SOD2: variants seen among roughly 807,000 people sequenced by gnomAD.
The protein encoded by SOD2 is superoxide dismutase 2, also known as superoxide dismutase [Mn], mitochondrial.
Under a neutral mutation model 27.0 loss-of-function variants are expected in SOD2, and 11 were observed. That is an observed-to-expected ratio of 0.41 (90% CI 0.26 to 0.67). The LOEUF (loss-of-function observed/expected upper bound fraction) is 0.67, where lower values mean the gene tolerates loss of function less well. Ranked by LOEUF, SOD2 falls within the 30% of genes least tolerant of loss-of-function variation. The pLI is 0.34. For synonymous variants in SOD2, 105 were observed against 103.0 expected (o/e 1.02, Z -0.12); for missense variants, 250 against 274.5 (o/e 0.91, Z 0.63).
At chr6:159,693,306 G>T (rs1218192565), upstream of SOD2, 37 of 534,530 alleles carry the variant, frequency 6.9e-5, no homozygotes, top group Non-Finnish European at 9.5e-5. Context: ...CCCCAGCTGC[G>T]CCGCAAGGGC....
chr6:159,702,813 G>A (rs2114809361), intron 1 of SOD2, among the ~76,000 whole-genome samples: 1 of 130,758 alleles, frequency 7.6e-6, no homozygotes, highest in South Asian at 2.6e-4. Context: ...TGGCACCACT[G>A]CACTCCAGCC....
At chr6:159,724,715 G>A (rs531808160) in intron 1 of SOD2, among the ~76,000 whole-genome samples, 3 of 152,090 alleles carry the variant, frequency 2.0e-5, no homozygotes, top group Non-Finnish European at 4.4e-5. Context: ...AGCTAGATGT[G>A]CTGGCACATG....
At chr6:159,755,760 C>CTTTTTTTT (rs1779984995) in intron 1 of SOD2, 10 of 283,670 alleles carry the variant, frequency 3.5e-5, no homozygotes, top group African/African-American at 1.5e-4. Flanking sequence ...TTTTTTTTTT[C>CTTTTTTTT]TTTTCTTTTT....
upstream of SOD2, among the ~76,000 whole-genome samples, chr6:159,746,866 A>G (rs906721956): frequency 1.3e-5 from 2 of 152,188 alleles, no homozygotes; most frequent in Admixed American, 1.3e-4. Flanking sequence ...CATGAATGAA[A>G]GTGTTGACTA....
intron 1 of SOD2, among the ~76,000 whole-genome samples, chr6:159,738,687 A>G (rs1329898059): frequency 6.6e-6 from 1 of 152,194 alleles, no homozygotes; most frequent in East Asian, 1.9e-4. Flanking sequence ...AGGAAACTTC[A>G]GTTTCTCTGA....
In SOD2 at chr6:159,738,848, T is replaced by C. The variant is rs558011489; in HGVS notation, c.-116+6282A>G. On this transcript the variant is annotated intron_variant, in intron 1 of 3. Transcript: ENST00000537657. ...GTTTACCTTAAAAAAAAAAAACTTT[T>C]GTAATAAAATACTTTTTCAAAAAAT... is the stretch of plus-strand genomic sequence containing the variant. The C allele has an allele frequency of 8.9e-5, 47 of 527,504 alleles. No individual in the cohort carries two copies. The East Asian group carries it at 1.4e-3, about 16-fold the overall frequency. 32.7% of individuals were successfully genotyped at this position (527,504 alleles called of 1,614,324 possible).
upstream of SOD2, among the ~76,000 whole-genome samples, chr6:159,750,066 G>A (rs1779763119): frequency 6.6e-6 from 1 of 151,976 alleles, no homozygotes; most frequent in African/African-American, 2.4e-5. Flanking sequence ...AGGGTGGGTT[G>A]AAGAAGTGGT....
At position 159,681,291 on chromosome 6, in the gene SOD2, A is replaced by C. The variant is rs1583000895; in HGVS notation, c.*1202T>G. ...CAGCAAGCTGATAAGCAAGAAGGTC[A>C]TAACAGTTTCAAACAATAGCCAGGG... On this transcript the variant is annotated 3_prime_UTR_variant, in exon 5 of 5. Coordinates refer to ENST00000538183, the MANE Select transcript of SOD2 (RefSeq NM_000636.4). 6.6e-6 allele frequency: 1 copy of C among 152,124 alleles called. No individual in the cohort carries two copies. Among genetic ancestry groups the C allele is most frequent in the East Asian group, 1.9e-4 (1 of 5,182 alleles). The allele number at this position is 152,124 out of a possible 1,614,324, so 9.4% of individuals were successfully genotyped here. A position where few individuals can be genotyped will look rare whatever the true frequency, so the allele number is the denominator to read the frequency against.
rs998192850 is a variant in SOD2 at position 159,689,983 on chromosome 6, G to GA, written c.227-1742dup. Among the ~76,000 whole-genome samples the GA allele has an allele frequency of 6.0e-5, 9 of 148,894 alleles. No homozygotes were observed. In the South Asian group the frequency reaches 1.7e-3, roughly 28 times the overall value. On this transcript the variant is annotated intron_variant, in intron 2 of 4. Transcript: ENST00000538183. ...ACAGAAAAAAAAAAAGAAAGAGAAA[G>GA]AAAAAAACATACATACAAGGCCAGG...
chr6:159,714,370 C>T (rs956325191), intron 1 of SOD2, among the ~76,000 whole-genome samples: 10 of 152,228 alleles, frequency 6.6e-5, no homozygotes, highest in African/African-American at 2.4e-4. Context: ...GGATTCTTCC[C>T]TCCAAGGGAA....
chr6:159,755,931 C>T (rs1779997814), intron 1 of SOD2: 1 of 256,042 alleles, frequency 3.9e-6, no homozygotes, highest in East Asian at 1.0e-4. Flanking sequence ...TAAAATACAA[C>T]ACAATGATGT....
intron 1 of SOD2, among the ~76,000 whole-genome samples, chr6:159,709,509 T>G (rs1777690092): frequency 6.6e-6 from 1 of 151,958 alleles, no homozygotes. Context: ...AACAGACACA[T>G]GAAAAAATGC....
At chr6:159,741,001 A>G (rs1779225122) in intron 1 of SOD2, among the ~76,000 whole-genome samples, 1 of 152,046 alleles carries the variant, frequency 6.6e-6, no homozygotes, top group Non-Finnish European at 1.5e-5. Context: ...TTTGTTCATT[A>G]TGTTGTAATA....
chr6:159,705,398 A>G (rs1224406658), intron 1 of SOD2, among the ~76,000 whole-genome samples: 2 of 152,228 alleles, frequency 1.3e-5, no homozygotes, highest in Admixed American at 1.3e-4. Flanking sequence ...ATGGCTAACT[A>G]GAATAACTAA....
At chr6:159,762,131 G>A (rs1178850432) in exon 1 of SOD2, 5 of 1,612,326 alleles carry the variant, frequency 3.1e-6, no homozygotes, top group Non-Finnish European at 1.7e-6. Context: ...TCGGCGGCGC[G>A]GACCATCATA....
rs1290414192 is a variant in SOD2 at position 159,681,091 on chromosome 6, C to A, written c.*1402G>T. 6.6e-6 allele frequency: 1 copy of A among 151,714 alleles called. No individual in the cohort carries two copies. The highest frequency in any genetic ancestry group is 1.5e-5 in the Non-Finnish European group (1 of 67,944). 9.4% of individuals were successfully genotyped at this position (151,714 alleles called of 1,614,324 possible). The stretch of plus-strand genomic sequence containing the variant: ...ACAGTAAATTAGGCAGATGATGAAA[C>A]AACATGGCAAATGTATGATGCTAAG... On this transcript the variant is annotated 3_prime_UTR_variant, in exon 5 of 5. Coordinates refer to ENST00000538183, the MANE Select transcript of SOD2 (RefSeq NM_000636.4).
chr6:159,694,185 T>C (rs1373467278), upstream of SOD2, among the ~76,000 whole-genome samples: 2 of 152,234 alleles, frequency 1.3e-5, no homozygotes, highest in Non-Finnish European at 2.9e-5. Context: ...AGAGGATTCT[T>C]TCCTGCGCTG....
intron 1 of SOD2, among the ~76,000 whole-genome samples, chr6:159,737,201 A>G (rs1778974055): frequency 6.6e-6 from 1 of 151,980 alleles, no homozygotes; most frequent in African/African-American, 2.4e-5. Flanking sequence ...AGTACGTGCC[A>G]CCACGCCCAG....
intron 1 of SOD2, among the ~76,000 whole-genome samples, chr6:159,702,507 C>T (rs1451377771): frequency 1.3e-5 from 2 of 151,376 alleles, no homozygotes; most frequent in African/African-American, 4.9e-5. Flanking sequence ...GATGACCAGG[C>T]TGGTCTCAAC....
Sources: allele counts gnomAD v4.1 joint callset (sites outside exome capture counted in the v4.1 genomes callset), GRCh38; gene constraint gnomAD v4.1.1; transcripts MANE v1.5; gene names NCBI Gene and HGNC (gene_info 2026-07-23, HGNC 2026-07-21).